Variants in ADK observed in about 807,000 individuals in gnomAD.
The protein encoded by ADK is N6,N6-dimethyladenosine kinase.
ADK carries 24 observed loss-of-function variants against 44.7 expected under a neutral mutation model. That is an observed-to-expected ratio of 0.54 (90% CI 0.39 to 0.76). The LOEUF (loss-of-function observed/expected upper bound fraction) is 0.76, where lower values mean the gene tolerates loss of function less well. ADK is among the 30% of genes least tolerant of loss of function. ADK has a pLI of 0.00. For synonymous variants in ADK, 128 were observed against 142.6 expected (o/e 0.90, Z 0.73); for missense variants, 321 against 425.1 (o/e 0.76, Z 2.15).
chr10:74,278,806 G>A (rs1053372892), intron 3 of ADK, among the ~76,000 whole-genome samples: 4 of 152,182 alleles, frequency 2.6e-5, no homozygotes, highest in African/African-American at 9.7e-5. Context: ...CTGAGTAGCT[G>A]GGACTACAGA....
chr10:74,595,754 T>G (rs1247560300), intron 8 of ADK, among the ~76,000 whole-genome samples: 1 of 122,488 alleles, frequency 8.2e-6, no homozygotes, highest in Admixed American at 8.5e-5. Flanking sequence ...CCCAGCACTT[T>G]GGGAGGCCAA....
At chr10:74,209,026 C>T (rs941600533) in intron 2 of ADK, among the ~76,000 whole-genome samples, 3 of 152,242 alleles carry the variant, frequency 2.0e-5, no homozygotes, top group East Asian at 1.9e-4. Flanking sequence ...CATGAGCCAC[C>T]GCACCCAGCA....
intron 7 of ADK, among the ~76,000 whole-genome samples, chr10:74,562,556 G>A (rs1257823226): frequency 3.9e-5 from 6 of 152,120 alleles, no homozygotes; most frequent in Non-Finnish European, 7.4e-5. Flanking sequence ...AATTAGTTTA[G>A]CAGTTTGTAC....
chr10:74,622,548 A>G (rs1853031473), intron 9 of ADK, among the ~76,000 whole-genome samples: 1 of 152,242 alleles, frequency 6.6e-6, no homozygotes, highest in Non-Finnish European at 1.5e-5. Context: ...TATTAAATAG[A>G]AAAATACATA....
chr10:74,550,293 A>G (rs908969380), intron 7 of ADK, among the ~76,000 whole-genome samples: 9 of 151,298 alleles, frequency 5.9e-5, no homozygotes, highest in Admixed American at 2.0e-4. Flanking sequence ...CTGGTCTCGA[A>G]CTCCTGACCT....
intron 3 of ADK, among the ~76,000 whole-genome samples, chr10:74,281,557 A>G (rs545396030): frequency 6.6e-6 from 1 of 152,356 alleles, no homozygotes; most frequent in South Asian, 2.1e-4. Context: ...ACTTAGGTCC[A>G]TGATCTTGAT....
intron 8 of ADK, among the ~76,000 whole-genome samples, chr10:74,595,704 A>ATCTT (rs1851894752): frequency 2.4e-5 from 3 of 122,928 alleles, no homozygotes; most frequent in Non-Finnish European, 3.4e-5. Flanking sequence ...TTAAAAAAAT[A>ATCTT]GGCTATATGG....
chr10:74,394,363 T>A, intron 5 of ADK, 50 bp downstream of exon 5: 1 of 1,548,122 alleles, frequency 6.5e-7, no homozygotes, highest in Non-Finnish European at 8.9e-7. Context: ...ATTTTAACAC[T>A]GGTAAAATAT....
intron 4 of ADK, among the ~76,000 whole-genome samples, chr10:74,355,664 A>G (rs188994482): frequency 6.6e-6 from 1 of 152,362 alleles, no homozygotes; most frequent in East Asian, 1.9e-4. Context: ...TCTAACTTTT[A>G]TTCAGGACCA....
chr10:74,454,530 G>A (rs1046526508), intron 6 of ADK, among the ~76,000 whole-genome samples: 3 of 152,096 alleles, frequency 2.0e-5, no homozygotes, highest in African/African-American at 4.8e-5. Context: ...CTGCTTACTA[G>A]TTCACTTCTT....
chr10:74,362,463 G>A (rs951463527), intron 4 of ADK, among the ~76,000 whole-genome samples: 1 of 151,144 alleles, frequency 6.6e-6, no homozygotes, highest in African/African-American at 2.4e-5. Context: ...GATTCTTCAT[G>A]TTTTCTTTAA....
At chr10:74,564,604 G>A (rs1466894900) in intron 7 of ADK, among the ~76,000 whole-genome samples, 4 of 151,706 alleles carry the variant, frequency 2.6e-5, no homozygotes, top group Non-Finnish European at 4.4e-5. Flanking sequence ...TTTAACGTTT[G>A]TATACAATAC....
intron 9 of ADK, among the ~76,000 whole-genome samples, chr10:74,621,353 T>C (rs1176952892): frequency 6.6e-6 from 1 of 152,184 alleles, no homozygotes. Context: ...CTATTCTTGG[T>C]GCTTTTGTCA....
intron 7 of ADK, among the ~76,000 whole-genome samples, chr10:74,571,912 G>C (rs185720561): frequency 3.3e-5 from 5 of 152,254 alleles, no homozygotes; most frequent in Non-Finnish European, 5.9e-5. Flanking sequence ...CACGTGAGAT[G>C]GGTTTCCTGA....
chr10:74,695,707 A>G (rs1856173031), intron 10 of ADK, among the ~76,000 whole-genome samples: 1 of 151,498 alleles, frequency 6.6e-6, no homozygotes, highest in Non-Finnish European at 1.5e-5. Flanking sequence ...TGGCATGTTC[A>G]CAGCTCACTA....
At chr10:74,550,502 A>G (rs920127606) in intron 7 of ADK, among the ~76,000 whole-genome samples, 2 of 152,100 alleles carry the variant, frequency 1.3e-5, no homozygotes, top group African/African-American at 2.4e-5. Flanking sequence ...TAGTCTCATA[A>G]TTGCTCTCCC....
rs528766372 is a variant in ADK, at chr10:74,567,706, T to G, written c.727-21576T>G. ...GTTTTTTTTGTTTTTTTTGTTTTTT[T>G]TTTTTTTTTTGAGATGGAGTCTCGC... is the stretch of plus-strand genomic sequence containing the variant. On this transcript the variant is annotated intron_variant, in intron 7 of 10. Coordinates refer to ENST00000539909, the MANE Select transcript of ADK (RefSeq NM_006721.4). Among the ~76,000 whole-genome samples, 325 of 146,234 alleles carry G rather than the reference T, an allele frequency of 2.2e-3. 3 individuals carry two copies. Among genetic ancestry groups the G allele is most frequent in the African/African-American group, 7.4e-3 (291 of 39,172 alleles).
intron 6 of ADK, among the ~76,000 whole-genome samples, chr10:74,420,342 T>G (rs970957322): frequency 6.6e-6 from 1 of 152,182 alleles, no homozygotes; most frequent in African/African-American, 2.4e-5. Flanking sequence ...TGAAGAGCTA[T>G]CCTTGAAAGT....
chr10:74,412,285 C>T (rs1320761253), intron 6 of ADK, among the ~76,000 whole-genome samples: 1 of 152,080 alleles, frequency 6.6e-6, no homozygotes, highest in Non-Finnish European at 1.5e-5. Context: ...CAGGCAAGCT[C>T]AAGCAATCCT....
Sources: gnomAD v4.1 joint callset for allele counts (sites outside exome capture counted in the v4.1 genomes callset) on GRCh38, gnomAD v4.1.1 for gene constraint, MANE v1.5 for transcripts, NCBI Gene and HGNC (gene_info 2026-07-23, HGNC 2026-07-21) for gene names.